Variants in XPOT observed in about 807,000 individuals in gnomAD.
XPOT encodes the protein exportin for tRNA, also known as exportin-T.
A neutral mutation model predicts 128.2 loss-of-function variants in XPOT; 34 were observed. The observed-to-expected ratio is 0.27, with a 90% confidence interval of 0.20 to 0.35. The LOEUF (loss-of-function observed/expected upper bound fraction) is 0.35, where lower values mean the gene tolerates loss of function less well. XPOT is among the 10% of genes least tolerant of loss of function. XPOT has a pLI of 1.00. For synonymous variants in XPOT, 348 were observed against 394.3 expected (o/e 0.88, Z 1.39); for missense variants, 838 against 1,125.3 (o/e 0.74, Z 3.65).
intron 6 of XPOT, among the ~76,000 whole-genome samples, chr12:64,419,436 G>A (rs572521509): frequency 2.2e-3 from 331 of 152,254 alleles, no homozygotes; most frequent in Non-Finnish European, 3.7e-3. Context: ...TCCCACCTCA[G>A]CCTCCCTAGT....
At position 64,434,576 on chromosome 12, in the gene XPOT, C is replaced by A. The variant is rs926710204; in HGVS notation, c.2522C>A (p.Ala841Glu). The part of the protein sequence containing the change: ...QGAVEYPDPI[A>E]QKTCFIILSK... ...GCAGTTGAATATCCAGATCCAATTG[C>A]ACAGAAAACATGTTTTATCATCCTC... is the stretch of plus-strand genomic sequence containing the variant. Residue 841 changes from alanine (A) to glutamate (E), a missense_variant, in exon 20 of 25, where the codon GCA becomes GAA. Ala to Glu is a moderately radical substitution (Grantham distance 107). Around this residue, in one of 3 missense-constraint regions of XPOT, gnomAD observed 761 missense variants for 988.3 expected, o/e 0.77. Coordinates refer to ENST00000332707, the MANE Select transcript of XPOT (RefSeq NM_007235.6). The A allele has an allele frequency of 3.7e-6, 6 of 1,613,876 alleles. No individual in the cohort carries two copies. In the African/African-American group the frequency reaches 5.3e-5, roughly 14 times the overall value.
At chr12:64,420,322 A>G in intron 7 of XPOT, 31 bp from the exon 8 acceptor site, 1 of 1,602,514 alleles carries the variant, frequency 6.2e-7, no homozygotes, top group South Asian at 1.1e-5. Context: ...ATGACTTTGA[A>G]AATGTTACAA....
rs1565799013 is a variant in XPOT at position 64,425,241 on chromosome 12, G to T, written c.1452+59G>T. On this transcript the variant is annotated intron_variant, in intron 13 of 24. Transcript: ENST00000332707. Reference sequence around the variant, plus strand: ...TTCTGTTTTCAGTATAAGCTAATGGGAGTTCCTTAATTGTTAGAGCTTAGT... The same window carrying T: ...TTCTGTTTTCAGTATAAGCTAATGGTAGTTCCTTAATTGTTAGAGCTTAGT... 3.7e-6 allele frequency: 6 copies of T among 1,609,566 alleles called. No individual in the cohort carries two copies. In the East Asian group the frequency reaches 1.1e-4, roughly 30 times the overall value.
Position 64,425,336 on chromosome 12 carries a change from A to G in XPOT, c.1453-2A>G. 1 of 1,612,300 alleles carries G rather than the reference A, an allele frequency of 6.2e-7. No individual in the cohort carries two copies. ...AGGTTTCCTAACTTTTTCCTGATCT[A>G]GCTGGTAACATCAGGAGTCAGTTCC... On this transcript the variant is annotated splice_acceptor_variant, in intron 13 of 24. Coordinates refer to ENST00000332707, the MANE Select transcript of XPOT (RefSeq NM_007235.6). LOFTEE classifies it high-confidence loss of function.
intron 23 of XPOT, chr12:64,443,200 C>T (rs1319787996): frequency 6.6e-6 from 1 of 152,260 alleles, no homozygotes; most frequent in African/African-American, 2.4e-5. Flanking sequence ...AATTTCCTGC[C>T]ACTGTCACCC....
intron 1 of XPOT, among the ~76,000 whole-genome samples, chr12:64,405,917 T>G (rs1002598959): frequency 1.5e-4 from 22 of 149,452 alleles, no homozygotes; most frequent in African/African-American, 5.4e-4. Flanking sequence ...CGCCCGGCCT[T>G]CCACTGCATA....
In XPOT at chr12:64,431,578, C is replaced by T. The variant is rs144557344; in HGVS notation, c.2017C>T (p.Gln673Ter). ...TTTCAGCAACAAACAGACTGTGAAA[C>T]AATGTGGCTGTTCCGAAGTTTATCT... ...KAFSNKQTVK[Q>*]CGCSEVYLDC... The change falls in exon 18 of 25, where the codon CAA becomes TAA. Residue 673 changes from glutamine (Q) to a stop codon, truncating the protein, a stop_gained. Transcript: ENST00000332707. LOFTEE classifies it high-confidence loss of function. 2.5e-6 allele frequency: 4 copies of T among 1,613,910 alleles called. No individual in the cohort carries two copies. Among genetic ancestry groups the T allele is most frequent in the Non-Finnish European group, 3.4e-6 (4 of 1,179,834 alleles).
intron 15 of XPOT, 75 bp downstream of exon 15, chr12:64,425,984 CA>C (rs1404712018): frequency 1.4e-6 from 2 of 1,387,374 alleles, no homozygotes; most frequent in Non-Finnish European, 2.0e-6. Context: ...ATAGTAAAGA[CA>C]TGGAATCAAC....
At chr12:64,439,535 TC>T (rs2040308364) in intron 23 of XPOT, among the ~76,000 whole-genome samples, 1 of 152,270 alleles carries the variant, frequency 6.6e-6, no homozygotes, top group African/African-American at 2.4e-5. Flanking sequence ...TCCTTACTGT[TC>T]TAGCATACTT....
At chr12:64,406,536 T>A (rs1002608723) in intron 1 of XPOT, among the ~76,000 whole-genome samples, 2 of 148,030 alleles carry the variant, frequency 1.4e-5, no homozygotes, top group Non-Finnish European at 2.9e-5. Flanking sequence ...ACCCGGCTAA[T>A]TTTTGTATTT....
rs561946813 is a variant in XPOT at position 64,434,825 on chromosome 12, T to C, written c.2601T>C (p.Asp867=). Residue 867 remains aspartate (D), a synonymous_variant, in exon 21 of 25, where the codon GAT becomes GAC. Coordinates refer to ENST00000332707, the MANE Select transcript of XPOT (RefSeq NM_007235.6). ...AAGATGGACCAGTGGGATTTGCTGA[T>C]TTTGTTTATAAGCACATTGTCCCCG... The part of the protein sequence containing the change: ...GGKDGPVGFA[D]FVYKHIVPAC... The C allele has an allele frequency of 3.7e-6, 6 of 1,612,200 alleles. No individual in the cohort carries two copies. The African/African-American group carries it at 5.3e-5, about 14-fold the overall frequency.
Position 64,424,716 on chromosome 12 carries a change from A to G in XPOT, c.1300A>G (p.Thr434Ala). Residue 434 changes from threonine to alanine, a missense_variant, in exon 12 of 25, where the codon ACA (threonine) becomes GCA (alanine). Coordinates refer to ENST00000332707, the MANE Select transcript of XPOT (RefSeq NM_007235.6). ...CTCTGTTCGCAGAGTTTTTAGTTCT[A>G]CACTGCAGTAAGTTTGTCATTACTT... ...LASVRRVFSSTLQNWQTTRFM... is the reference protein window; with the variant it reads ...LASVRRVFSSALQNWQTTRFM... The G allele has an allele frequency of 1.9e-6, 3 of 1,613,756 alleles. No homozygotes were observed. The highest frequency in any genetic ancestry group is 2.2e-5 in the East Asian group (1 of 44,874).
intron 1 of XPOT, among the ~76,000 whole-genome samples, chr12:64,406,745 G>C (rs933551289): frequency 2.0e-5 from 3 of 152,116 alleles, no homozygotes; most frequent in Non-Finnish European, 4.4e-5. Context: ...GGGATTCTTA[G>C]AAACTCCGAA....
chr12:64,437,372 T>C (rs1247544686), intron 22 of XPOT, among the ~76,000 whole-genome samples: 25 of 152,216 alleles, frequency 1.6e-4, no homozygotes, highest in Admixed American at 1.6e-3. Flanking sequence ...TGAGGGGCAA[T>C]CTAAGCAAGC....
chr12:64,418,910 G>T lies in XPOT; in HGVS notation c.305G>T (p.Arg102Leu). The change falls in exon 6 of 25, where the codon CGA becomes CTA. Residue 102 changes from arginine to leucine, a missense_variant. By Grantham distance (102) the Arg-to-Leu change is moderately radical. This residue lies in a region of XPOT where 761 missense variants were observed against 988.3 expected (regional missense o/e 0.77). Coordinates refer to ENST00000332707, the MANE Select transcript of XPOT (RefSeq NM_007235.6). ...LNPQPEKTFIRNKAAQVFALL... is the reference protein window; with the variant it reads ...LNPQPEKTFILNKAAQVFALL... ...CCCCAACCAGAGAAGACCTTTATAC[G>T]AAATAAAGCCGCCCAAGTCTTCGCC... 1.9e-6 allele frequency: 3 copies of T among 1,613,790 alleles called. No homozygotes were observed. The highest frequency in any genetic ancestry group is 2.5e-6 in the Non-Finnish European group (3 of 1,179,840).
At chr12:64,415,320 G>A (rs759999355) in intron 3 of XPOT, among the ~76,000 whole-genome samples, 5 of 151,356 alleles carry the variant, frequency 3.3e-5, no homozygotes, top group African/African-American at 9.7e-5. Context: ...TGGTAAAGAC[G>A]GTGATTGTAA....
chr12:64,432,591 T>G (rs916430230), intron 18 of XPOT, among the ~76,000 whole-genome samples: 1 of 152,162 alleles, frequency 6.6e-6, no homozygotes, highest in African/African-American at 2.4e-5. Context: ...TTTTGTACAT[T>G]TACTCATTTG....
intron 24 of XPOT, among the ~76,000 whole-genome samples, chr12:64,446,033 C>CA (rs1491544216): frequency 3.3e-5 from 5 of 152,134 alleles, no homozygotes; most frequent in African/African-American, 9.7e-5. Flanking sequence ...TTAAACATCT[C>CA]AGAGTTTTTG....
intron 17 of XPOT, 125 bp from the exon 18 acceptor site, chr12:64,431,413 G>A (rs565628762): frequency 2.2e-6 from 2 of 914,670 alleles, no homozygotes; most frequent in Admixed American, 5.2e-5. Context: ...ATTGTGATGT[G>A]GAAAATAAAG....
Sources: gnomAD v4.1 joint callset for allele counts (sites outside exome capture counted in the v4.1 genomes callset) on GRCh38, gnomAD v4.1.1 for gene constraint, gnomAD v4.1.1 regional missense constraint, MANE v1.5 for transcripts, NCBI Gene and HGNC (gene_info 2026-07-23, HGNC 2026-07-21) for gene names.